ETV6: variants seen among roughly 807,000 people sequenced by gnomAD.
ETV6 encodes the protein transcription factor ETV6.
ETV6 carries 16 observed loss-of-function variants against 51.1 expected under a neutral mutation model. The observed-to-expected ratio is 0.31, with a 90% CI of 0.21 to 0.48. The LOEUF (loss-of-function observed/expected upper bound fraction) is 0.48. Ranked by LOEUF, ETV6 falls within the 20% of genes least tolerant of loss-of-function variation. The pLI is 0.99. For missense variants in ETV6, 458 were observed against 594.8 expected (o/e 0.77, Z 2.39); for synonymous variants, 240 against 224.1 (o/e 1.07, Z -0.64).
chr12:11,656,937 T>G (rs1210605129), intron 1 of ETV6, among the ~76,000 whole-genome samples: 1 of 152,196 alleles, frequency 6.6e-6, no homozygotes, highest in Admixed American at 6.5e-5. Flanking sequence ...CAGGAATCTA[T>G]TTCAGATATT....
chr12:11,711,476 C>T (rs1865170578), intron 1 of ETV6, among the ~76,000 whole-genome samples: 1 of 152,178 alleles, frequency 6.6e-6, no homozygotes, highest in South Asian at 2.1e-4. Flanking sequence ...GGAACATTTT[C>T]CTTCCTTTTT....
At chr12:11,725,059 C>T (rs781286757) in intron 1 of ETV6, among the ~76,000 whole-genome samples, 1 of 152,146 alleles carries the variant, frequency 6.6e-6, no homozygotes, top group African/African-American at 2.4e-5. Flanking sequence ...CTGCCCACTT[C>T]CCCATCAGCT....
chr12:11,884,149 C>T (rs1368922524), intron 5 of ETV6, among the ~76,000 whole-genome samples: 1 of 152,180 alleles, frequency 6.6e-6, no homozygotes, highest in Non-Finnish European at 1.5e-5. Context: ...TGGGTTCTGC[C>T]CAGGTTTAAG....
rs569224774 is a variant in ETV6, at chr12:11,747,953, G to A, written c.34-4497G>A. Among the ~76,000 whole-genome samples, 25 of 152,302 alleles carry A rather than the reference G, an allele frequency of 1.6e-4. No homozygotes were observed. The South Asian group carries it at 5.0e-3, about 30-fold the overall frequency. ...TCAATAAATAGCTTCCCATAGGAGA[G>A]GTTTCTTCTGTTGAATCTGTAGAAG... On this transcript the variant is annotated intron_variant, in intron 1 of 7. Coordinates refer to ENST00000396373, the MANE Select transcript of ETV6 (RefSeq NM_001987.5).
intron 1 of ETV6, among the ~76,000 whole-genome samples, chr12:11,692,578 TC>T (rs1157450279): frequency 2.0e-5 from 3 of 152,150 alleles, no homozygotes; most frequent in Non-Finnish European, 4.4e-5. Flanking sequence ...AAAGCCATGT[TC>T]CTTATAAGAT....
chr12:11,784,310 T>G (rs1316902396), intron 2 of ETV6, among the ~76,000 whole-genome samples: 1 of 151,952 alleles, frequency 6.6e-6, no homozygotes, highest in Non-Finnish European at 1.5e-5. Flanking sequence ...CCGCCTGTAA[T>G]CCACTACTCA....
intron 1 of ETV6, among the ~76,000 whole-genome samples, chr12:11,656,398 A>G (rs1345463753): frequency 2.0e-5 from 3 of 152,202 alleles, no homozygotes; most frequent in Non-Finnish European, 4.4e-5. Flanking sequence ...GTGGATTGTT[A>G]CATAAGCCGA....
At chr12:11,787,029 AAACCCC>A (rs1434024264) in intron 2 of ETV6, among the ~76,000 whole-genome samples, 1 of 152,196 alleles carries the variant, frequency 6.6e-6, no homozygotes, top group Admixed American at 6.5e-5. Flanking sequence ...TATGCCCCCT[AAACCCC>A]AAAGAGTCTG....
intron 2 of ETV6, among the ~76,000 whole-genome samples, chr12:11,792,454 C>T (rs1194326557): frequency 9.2e-5 from 14 of 151,924 alleles, no homozygotes; most frequent in Admixed American, 2.6e-4. Context: ...TTTGGGAGGC[C>T]GAGGTGGGTG....
At chr12:11,840,584 C>T (rs1323087464) in intron 3 of ETV6, 1 of 448,950 alleles carries the variant, frequency 2.2e-6, no homozygotes, top group Non-Finnish European at 4.5e-6. Context: ...AACTAACCGT[C>T]ATGAGGAAAC....
chr12:11,700,762 G>T (rs1864964245), intron 1 of ETV6, among the ~76,000 whole-genome samples: 1 of 152,176 alleles, frequency 6.6e-6, no homozygotes, highest in African/African-American at 2.4e-5. Context: ...AGGCTGAAGA[G>T]GGCTTGGTCT....
intron 5 of ETV6, among the ~76,000 whole-genome samples, chr12:11,870,453 G>T (rs1156411022): frequency 6.6e-6 from 1 of 152,132 alleles, no homozygotes; most frequent in Non-Finnish European, 1.5e-5. Context: ...TTGGAGGCAG[G>T]TGTTGCTGGG....
chr12:11,871,108 T>C (rs1946874446), intron 5 of ETV6, among the ~76,000 whole-genome samples: 1 of 151,844 alleles, frequency 6.6e-6, no homozygotes, highest in Non-Finnish European at 1.5e-5. Context: ...GTGAGAGCTC[T>C]AGCTGACCAT....
At chr12:11,652,600 C>G (rs1027403382) in intron 1 of ETV6, among the ~76,000 whole-genome samples, 1 of 152,158 alleles carries the variant, frequency 6.6e-6, no homozygotes, top group African/African-American at 2.4e-5. Context: ...TTTCCCAGTC[C>G]TCCTCTCCAC....
chr12:11,893,106 A>C lies in ETV6; in HGVS notation c.*2060A>C, dbSNP rs565543473. The stretch of plus-strand genomic sequence containing the variant: ...CACGCTGCAGGTGTCTTTTGAGAGC[A>C]TTCAGTAGGACATGGTGATCCCTAT... On this transcript the variant is annotated 3_prime_UTR_variant, in exon 8 of 8. Transcript: ENST00000396373. 3 of 232,920 alleles carry C rather than the reference A, an allele frequency of 1.3e-5. No homozygotes were observed. The highest frequency in any genetic ancestry group is 3.6e-4 in the South Asian group (2 of 5,524). 14.4% of individuals were successfully genotyped at this position (232,920 alleles called of 1,614,324 possible).
At position 11,839,186 on chromosome 12, in the gene ETV6, C is replaced by T. The variant is rs1453904386; in HGVS notation, c.210C>T (p.Leu70=). The change falls in exon 3 of 8, where the codon CTC becomes CTT. Residue 70 remains leucine, a synonymous_variant. Transcript: ENST00000396373. ...GCAGGGATGACGTAGCCCAGTGGCT[C>T]AAGTGGGCTGAAAATGAGTTTTCTT... is the stretch of plus-strand genomic sequence containing the variant. ...YWSRDDVAQW[L]KWAENEFSLR... is the part of the protein sequence containing the mutation. 6.2e-7 allele frequency: 1 copy of T among 1,614,234 alleles called. No homozygotes were observed.
At chr12:11,727,777 C>A (rs1214364593) in intron 1 of ETV6, among the ~76,000 whole-genome samples, 1 of 152,140 alleles carries the variant, frequency 6.6e-6, no homozygotes. Context: ...ACAGGAGACC[C>A]CGCGGAGAAA....
chr12:11,782,386 T>C (rs1945426315), intron 2 of ETV6, among the ~76,000 whole-genome samples: 1 of 152,186 alleles, frequency 6.6e-6, no homozygotes, highest in Non-Finnish European at 1.5e-5. Context: ...CTTTTTGTTT[T>C]TGTCTGAGAG....
At chr12:11,719,950 C>T (rs1427807795) in intron 1 of ETV6, among the ~76,000 whole-genome samples, 1 of 152,156 alleles carries the variant, frequency 6.6e-6, no homozygotes, top group African/African-American at 2.4e-5. Flanking sequence ...CTGAGTCATC[C>T]GGGAAGGAAA....
Sources: gnomAD v4.1 joint callset for allele counts (sites outside exome capture counted in the v4.1 genomes callset) on GRCh38, gnomAD v4.1.1 for gene constraint, MANE v1.5 for transcripts, NCBI Gene and HGNC (gene_info 2026-07-23, HGNC 2026-07-21) for gene names.